The following C1QTNF7 variants were observed in gnomAD, a reference collection of about 807,000 sequenced individuals.
The protein encoded by C1QTNF7 is complement C1q tumor necrosis factor-related protein 7.
Under a neutral mutation model 19.6 loss-of-function variants are expected in C1QTNF7, and 15 were observed. That is an observed-to-expected ratio of 0.76 (90% CI 0.51 to 1.18). C1QTNF7 has a LOEUF of 1.18. Ranked by LOEUF, C1QTNF7 falls within the 50% of genes most tolerant of loss-of-function variation. C1QTNF7 has a pLI of 0.00. For missense variants in C1QTNF7, 324 were observed against 359.7 expected (o/e 0.90, Z 0.80); for synonymous variants, 142 against 137.5 (o/e 1.03, Z -0.23).
At chr4:15,360,137 TAGAC>T (rs1476917083) in intron 1 of C1QTNF7, among the ~76,000 whole-genome samples, 1 of 152,142 alleles carries the variant, frequency 6.6e-6, no homozygotes, top group East Asian at 1.9e-4. Flanking sequence ...GGCTACCACT[TAGAC>T]AGACAGCCAT....
chr4:15,346,971 G>T (rs908024894), intron 1 of C1QTNF7, among the ~76,000 whole-genome samples: 2 of 152,046 alleles, frequency 1.3e-5, no homozygotes, highest in Non-Finnish European at 2.9e-5. Flanking sequence ...CCATTCTCTT[G>T]ACTTTATGTG....
chr4:15,427,298 A>G (rs1304359236), upstream of C1QTNF7, among the ~76,000 whole-genome samples: 1 of 152,238 alleles, frequency 6.6e-6, no homozygotes, highest in Non-Finnish European at 1.5e-5. Flanking sequence ...ATCATAAATT[A>G]TATATTGCTG....
At chr4:15,441,338 TTAAA>T (rs1712749187) in intron 2 of C1QTNF7, among the ~76,000 whole-genome samples, 2 of 152,192 alleles carry the variant, frequency 1.3e-5, no homozygotes, top group Admixed American at 6.5e-5. Flanking sequence ...ACTGTGAAAC[TTAAA>T]TAAGATAATG....
intron 1 of C1QTNF7, among the ~76,000 whole-genome samples, chr4:15,406,589 C>T (rs139642942): frequency 1.3e-5 from 2 of 152,164 alleles, no homozygotes; most frequent in African/African-American, 4.8e-5. Context: ...AAATGATGCA[C>T]AAAGAGTTCA....
chr4:15,417,732 AAAAG>A (rs1719652207), intron 1 of C1QTNF7, among the ~76,000 whole-genome samples: 1 of 152,080 alleles, frequency 6.6e-6, no homozygotes, highest in Non-Finnish European at 1.5e-5. Flanking sequence ...CCATCTCAAA[AAAAG>A]AAAGAAAGAA....
intron 1 of C1QTNF7, among the ~76,000 whole-genome samples, chr4:15,422,665 T>C (rs1013260901): frequency 2.0e-5 from 3 of 152,162 alleles, no homozygotes; most frequent in Non-Finnish European, 2.9e-5. Context: ...AGTGCAGTGG[T>C]GCAAACATGG....
intron 1 of C1QTNF7, among the ~76,000 whole-genome samples, chr4:15,403,419 G>T (rs967225766): frequency 6.6e-6 from 1 of 152,114 alleles, no homozygotes; most frequent in South Asian, 2.1e-4. Flanking sequence ...GCTTTGACAG[G>T]GTTTGTTCCT....
intron 1 of C1QTNF7, among the ~76,000 whole-genome samples, chr4:15,415,368 A>G (rs1719564387): frequency 6.6e-6 from 1 of 152,232 alleles, no homozygotes; most frequent in African/African-American, 2.4e-5. Flanking sequence ...TTTCTTTAAG[A>G]AAAAGGACAT....
chr4:15,387,991 G>A (rs759883042), intron 1 of C1QTNF7, among the ~76,000 whole-genome samples: 8 of 152,176 alleles, frequency 5.3e-5, no homozygotes, highest in Non-Finnish European at 1.0e-4. Context: ...CAGGTGCAAG[G>A]TTGACCTTGG....
intron 1 of C1QTNF7, among the ~76,000 whole-genome samples, chr4:15,351,175 G>T (rs1417280593): frequency 1.3e-5 from 2 of 152,158 alleles, no homozygotes; most frequent in African/African-American, 4.8e-5. Context: ...AAACAGAAAA[G>T]AAAGCATTAG....
chr4:15,410,472 A>ATTTC (rs1719366775), intron 1 of C1QTNF7, among the ~76,000 whole-genome samples: 1 of 152,182 alleles, frequency 6.6e-6, no homozygotes, highest in Non-Finnish European at 1.5e-5. Flanking sequence ...TTATGATGGA[A>ATTTC]AAGGCATTAT....
rs766040095 is a variant in C1QTNF7, at chr4:15,435,991, G to T, written c.238+10G>T. On this transcript the variant is annotated intron_variant, in intron 2 of 2. Coordinates refer to ENST00000444304, the MANE Select transcript of C1QTNF7 (RefSeq NM_031911.5). ...GAAAAGGGAACTGCAGGTAATGAAT[G>T]AGAAGTTGCATAAAACACCCTCCTT... 7 of 1,609,028 alleles carry T rather than the reference G, an allele frequency of 4.4e-6. No homozygotes were observed. Among genetic ancestry groups the T allele is most frequent in the South Asian group, 2.2e-5 (2 of 90,406 alleles).
Position 15,442,933 on chromosome 4 carries a change from T to C in C1QTNF7, c.*134T>C, listed in dbSNP as rs957986159. The stretch of plus-strand genomic sequence containing the variant: ...TTAAAGACAATTCTAGCAGAATTTA[T>C]CAAAACAAGATGAAACACAGAAAAG... On this transcript the variant is annotated 3_prime_UTR_variant, in exon 3 of 3. Transcript: ENST00000444304. 10 of 946,974 alleles carry C rather than the reference T, an allele frequency of 1.1e-5. No individual in the cohort carries two copies. The highest frequency in any genetic ancestry group is 1.7e-5 in the African/African-American group (1 of 60,570). The allele number at this position is 946,974 out of a possible 1,614,324, so 58.7% of individuals were successfully genotyped here.
chr4:15,349,040 A>G (rs2109284909), intron 1 of C1QTNF7, among the ~76,000 whole-genome samples: 1 of 152,346 alleles, frequency 6.6e-6, no homozygotes, highest in East Asian at 1.9e-4. Flanking sequence ...CATGAGACCC[A>G]AAGCCCACCA....
intron 2 of C1QTNF7, among the ~76,000 whole-genome samples, chr4:15,437,879 C>T (rs1356088959): frequency 6.6e-6 from 1 of 152,088 alleles, no homozygotes; most frequent in Non-Finnish European, 1.5e-5. Context: ...TTTTTCTATA[C>T]GTAGCCAGCT....
chr4:15,390,754 G>A (rs1718526473), intron 1 of C1QTNF7, among the ~76,000 whole-genome samples: 2 of 152,262 alleles, frequency 1.3e-5, no homozygotes, highest in Non-Finnish European at 2.9e-5. Flanking sequence ...GAACACTCAG[G>A]AAAGGAATTA....
At chr4:15,407,000 G>A (rs1304595594) in intron 1 of C1QTNF7, among the ~76,000 whole-genome samples, 1 of 151,972 alleles carries the variant, frequency 6.6e-6, no homozygotes, top group Non-Finnish European at 1.5e-5. Flanking sequence ...TTCCCATTTT[G>A]GAACAACTGA....
chr4:15,433,621 A>G (rs1712417181), intron 1 of C1QTNF7, among the ~76,000 whole-genome samples: 1 of 152,202 alleles, frequency 6.6e-6, no homozygotes, highest in South Asian at 2.1e-4. Context: ...AATAGCAACA[A>G]TTCTGTGGGA....
chr4:15,405,559 G>T (rs1459260831), intron 1 of C1QTNF7, among the ~76,000 whole-genome samples: 2 of 152,136 alleles, frequency 1.3e-5, no homozygotes, highest in African/African-American at 2.4e-5. Context: ...CACAGAATGA[G>T]ACCTGAAAGG....
Sources: gnomAD v4.1 joint callset for allele counts (sites outside exome capture counted in the v4.1 genomes callset) on GRCh38, gnomAD v4.1.1 for gene constraint, MANE v1.5 for transcripts, NCBI Gene and HGNC (gene_info 2026-07-23, HGNC 2026-07-21) for gene names.